INO80D: variants seen among roughly 807,000 people sequenced by gnomAD.
The protein encoded by INO80D is INO80 complex subunit D.
INO80D carries 21 observed loss-of-function variants against 87.6 expected under a neutral mutation model. The ratio of observed to expected loss-of-function variants is 0.24; its 90% CI spans 0.17 to 0.35. The LOEUF (loss-of-function observed/expected upper bound fraction) is 0.35, where lower values mean the gene tolerates loss of function less well. Among genes scored for constraint, INO80D ranks in the 10% least tolerant of loss-of-function variants. The probability of loss-of-function intolerance (pLI) is 1.00; values close to 1 mark genes in which losing one functional copy is unlikely to be tolerated. For missense variants in INO80D, 982 were observed against 1,280.7 expected (o/e 0.77, Z 3.56); for synonymous variants, 440 against 491.0 (o/e 0.90, Z 1.37).
chr2:206,023,578 G>A (rs1688523620), intron 6 of INO80D, among the ~76,000 whole-genome samples: 1 of 151,760 alleles, frequency 6.6e-6, no homozygotes, highest in Non-Finnish European at 1.5e-5. Context: ...AGCTACTTGG[G>A]AGGCTGAGGG....
At chr2:206,008,326 G>A (rs1293773543) in intron 9 of INO80D, among the ~76,000 whole-genome samples, 1 of 144,948 alleles carries the variant, frequency 6.9e-6, no homozygotes, top group South Asian at 2.2e-4. Flanking sequence ...TGTCGCCCAG[G>A]CTAGAGTGCA....
intron 8 of INO80D, among the ~76,000 whole-genome samples, chr2:206,013,673 C>T (rs1438826513): frequency 1.3e-5 from 2 of 151,648 alleles, no homozygotes; most frequent in Admixed American, 6.6e-5. Context: ...AGAAGTATGC[C>T]GGAATGGTGG....
chr2:206,027,211 T>C (rs1688642152), intron 6 of INO80D, among the ~76,000 whole-genome samples: 1 of 151,858 alleles, frequency 6.6e-6, no homozygotes, highest in Non-Finnish European at 1.5e-5. Flanking sequence ...AATCAAAATG[T>C]TAACAGTGCT....
chr2:206,021,074 G>A (rs980578191), intron 6 of INO80D, among the ~76,000 whole-genome samples: 3 of 152,046 alleles, frequency 2.0e-5, no homozygotes, highest in Non-Finnish European at 4.4e-5. Flanking sequence ...TCCCATCTAC[G>A]TGACTCTATA....
intron 5 of INO80D, among the ~76,000 whole-genome samples, chr2:206,040,024 G>A (rs994102575): frequency 6.6e-6 from 1 of 151,936 alleles, no homozygotes; most frequent in African/African-American, 2.4e-5. Context: ...CAGGCGCGGT[G>A]ACTCACACCT....
At position 205,995,968 on chromosome 2, in the gene INO80D, A is replaced by G. The variant is rs1458666334; in HGVS notation, c.*8400T>C. 1 of 152,192 alleles carries G rather than the reference A, an allele frequency of 6.6e-6. No homozygotes were observed. Among genetic ancestry groups the G allele is most frequent in the Non-Finnish European group, 1.5e-5 (1 of 67,996 alleles). The allele number at this position is 152,192 out of a possible 1,614,324, so 9.4% of individuals were successfully genotyped here. On this transcript the variant is annotated 3_prime_UTR_variant, in exon 11 of 11. Transcript: ENST00000403263. The stretch of plus-strand genomic sequence containing the variant: ...ATTAAACTACAAAGCAAATAAAAAT[A>G]TGTAAATGACAAATTAATGACAGTA...
Position 206,007,271 on chromosome 2 carries a change from A to T in INO80D, c.1918+13T>A, listed in dbSNP as rs1445826204. 7.5e-6 allele frequency: 12 copies of T among 1,607,136 alleles called. No individual in the cohort carries two copies. Among genetic ancestry groups the T allele is most frequent in the African/African-American group, 1.3e-5 (1 of 74,580 alleles). On this transcript the variant is annotated intron_variant, in intron 10 of 10. Coordinates refer to ENST00000403263, the MANE Select transcript of INO80D (RefSeq NM_017759.5). ...TTAAAACCAGTTTCCTTGAGTCAAA[A>T]TATTGACTATACCTTCAAAAAAATC...
chr2:206,078,836 C>T (rs1478942238), intron 1 of INO80D, among the ~76,000 whole-genome samples: 1 of 151,870 alleles, frequency 6.6e-6, no homozygotes, highest in East Asian at 1.9e-4. Flanking sequence ...CCCAGCTACT[C>T]GGGAGGCTGG....
chr2:206,075,820 G>A (rs571605171), intron 1 of INO80D, among the ~76,000 whole-genome samples: 1 of 151,450 alleles, frequency 6.6e-6, no homozygotes, highest in Non-Finnish European at 1.5e-5. Context: ...TTGGGAGGCT[G>A]AGGCAGGCGG....
At chr2:206,076,418 C>T (rs1481301598) in intron 1 of INO80D, among the ~76,000 whole-genome samples, 2 of 152,040 alleles carry the variant, frequency 1.3e-5, no homozygotes, top group African/African-American at 2.4e-5. Flanking sequence ...TGTAATAAGA[C>T]ACTAAACAGA....
intron 9 of INO80D, among the ~76,000 whole-genome samples, chr2:206,008,700 A>C (rs1688091933): frequency 6.6e-6 from 1 of 152,212 alleles, no homozygotes; most frequent in African/African-American, 2.4e-5. Flanking sequence ...CACCATATGC[A>C]GTCATATTTC....
chr2:206,011,672 T>C (rs1688178380), intron 8 of INO80D, among the ~76,000 whole-genome samples: 1 of 152,214 alleles, frequency 6.6e-6, no homozygotes, highest in Admixed American at 6.5e-5. Flanking sequence ...TACCAATGGC[T>C]GTCACATCCT....
At chr2:206,027,729 A>G (rs188280557) in intron 6 of INO80D, among the ~76,000 whole-genome samples, 1 of 152,222 alleles carries the variant, frequency 6.6e-6, no homozygotes, top group Non-Finnish European at 1.5e-5. Context: ...GAAAACCAAC[A>G]CTGAAAAGAA....
chr2:206,005,673 G>C (rs1688004302), intron 10 of INO80D, 140 bp from the exon 11 acceptor site: 1 of 704,418 alleles, frequency 1.4e-6, no homozygotes, highest in Non-Finnish European at 2.3e-6. Flanking sequence ...ATTTTGATTG[G>C]AGGGAAAAAG....
At chr2:206,074,994 G>A (rs1036317567) in intron 1 of INO80D, among the ~76,000 whole-genome samples, 4 of 135,270 alleles carry the variant, frequency 3.0e-5, no homozygotes, top group East Asian at 2.1e-4. Context: ...AGCTGAGATC[G>A]CTCCACTGCA....
At chr2:206,012,393 T>C (rs1455914003) in intron 8 of INO80D, among the ~76,000 whole-genome samples, 1 of 152,028 alleles carries the variant, frequency 6.6e-6, no homozygotes, top group Non-Finnish European at 1.5e-5. Flanking sequence ...AAGTAGAACA[T>C]AGACACACCC....
intron 8 of INO80D, among the ~76,000 whole-genome samples, chr2:206,010,299 G>C (rs1337417071): frequency 3.3e-5 from 5 of 150,114 alleles, no homozygotes; most frequent in African/African-American, 9.8e-5. Context: ...CAACAACCAA[G>C]TGAAAAAGGA....
At chr2:206,064,273 G>C (rs1689759248) in intron 1 of INO80D, among the ~76,000 whole-genome samples, 1 of 152,186 alleles carries the variant, frequency 6.6e-6, no homozygotes, top group Admixed American at 6.6e-5. Context: ...AAAAGGCCCA[G>C]TGGTAGGATT....
In INO80D at chr2:206,017,781, A is replaced by C; in HGVS notation, c.1441T>G (p.Ser481Ala). 1.2e-6 allele frequency: 2 copies of C among 1,613,634 alleles called. No individual in the cohort carries two copies. Among genetic ancestry groups the C allele is most frequent in the Non-Finnish European group, 1.7e-6 (2 of 1,179,770 alleles). Reference sequence around the variant, plus strand: ...TCTGCAAACTTGGCTGTGCAACTTGAGAAGAGCTGCTGAGAGTGGTTCAAG... The same window carrying C: ...TCTGCAAACTTGGCTGTGCAACTTGCGAAGAGCTGCTGAGAGTGGTTCAAG... The part of the protein sequence containing the change: ...ILLNHSQQLF[S>A]SCTAKFADGQ... Residue 481 changes from serine (S) to alanine (A), a missense_variant, in exon 8 of 11, where the codon TCA (serine) becomes GCA (alanine). By Grantham distance (99) the Ser-to-Ala change is moderately conservative. Coordinates refer to ENST00000403263, the MANE Select transcript of INO80D (RefSeq NM_017759.5).
Sources: gnomAD v4.1 joint callset for allele counts (sites outside exome capture counted in the v4.1 genomes callset) on GRCh38, gnomAD v4.1.1 for gene constraint, MANE v1.5 for transcripts, NCBI Gene and HGNC (gene_info 2026-07-23, HGNC 2026-07-21) for gene names.